ADAMTS14: variants seen among roughly 807,000 people sequenced by gnomAD.
ADAMTS14 encodes ADAM metallopeptidase with thrombospondin type 1 motif 14.
ADAMTS14 carries 100 observed loss-of-function variants against 128.6 expected under a neutral mutation model. The ratio of observed to expected loss-of-function variants is 0.78; its 90% CI spans 0.66 to 0.92. ADAMTS14 has a LOEUF of 0.92. ADAMTS14 is among the 40% of genes least tolerant of loss of function. The probability of loss-of-function intolerance (pLI) is 0.00; values close to 1 mark genes in which losing one functional copy is unlikely to be tolerated. For missense variants in ADAMTS14, 1,562 were observed against 1,658.6 expected (o/e 0.94, Z 1.01); for synonymous variants, 665 against 653.8 (o/e 1.02, Z -0.26).
chr10:70,760,117 C>A (rs1042073748), intron 21 of ADAMTS14, among the ~76,000 whole-genome samples: 13 of 135,964 alleles, frequency 9.6e-5, no homozygotes, highest in African/African-American at 3.3e-4. Context: ...GCTGCTGCTG[C>A]GTGTGGGGAC....
chr10:70,689,233 G>T (rs540155873), intron 2 of ADAMTS14, among the ~76,000 whole-genome samples: 1 of 144,942 alleles, frequency 6.9e-6, no homozygotes, highest in South Asian at 2.2e-4. Flanking sequence ...CTCTCACAAG[G>T]GTGGTATACC....
chr10:70,720,184 T>G (rs1360431861), intron 4 of ADAMTS14, among the ~76,000 whole-genome samples: 1 of 152,012 alleles, frequency 6.6e-6, no homozygotes, highest in African/African-American at 2.4e-5. Context: ...CTTTAAGAGG[T>G]GTGCTGATTA....
At chr10:70,718,323 A>T (rs1305707685) in intron 4 of ADAMTS14, among the ~76,000 whole-genome samples, 1 of 152,012 alleles carries the variant, frequency 6.6e-6, no homozygotes, top group African/African-American at 2.4e-5. Flanking sequence ...AAGTAAAAAA[A>T]CTCATTCACT....
Position 70,702,359 on chromosome 10 carries a change from G to A in ADAMTS14, c.570G>A (p.Leu190=), listed in dbSNP as rs1840520419. 6.2e-7 allele frequency: 1 copy of A among 1,614,096 alleles called. No individual in the cohort carries two copies. Among genetic ancestry groups the A allele is most frequent in the South Asian group, 1.1e-5 (1 of 91,090 alleles). Residue 190 remains leucine, a synonymous_variant, in exon 3 of 22, where the codon CTG becomes CTA. Transcript: ENST00000373207. ...GCACCGACTTCTTCATTGAGCCTCT[G>A]GAGCGGGGCCAGCAGGAGAAGGAGG... ...TDSTDFFIEP[L]ERGQQEKEAS...
chr10:70,686,286 T>TG (rs1839948283), intron 2 of ADAMTS14, among the ~76,000 whole-genome samples: 1 of 149,870 alleles, frequency 6.7e-6, no homozygotes, highest in African/African-American at 2.5e-5. Context: ...TTTTTTTTTT[T>TG]TTTTTAATTT....
chr10:70,757,427 T>A (rs1361881697), intron 19 of ADAMTS14, among the ~76,000 whole-genome samples: 1 of 152,116 alleles, frequency 6.6e-6, no homozygotes, highest in Non-Finnish European at 1.5e-5. Context: ...GTCGCCCAGC[T>A]CTCTGTTTAC....
chr10:70,708,321 G>A (rs1298705802), intron 3 of ADAMTS14, among the ~76,000 whole-genome samples: 1 of 152,208 alleles, frequency 6.6e-6, no homozygotes, highest in African/African-American at 2.4e-5. Flanking sequence ...GATAGGATGA[G>A]TGGCTCCCGG....
At chr10:70,706,862 G>T (rs566550307) in intron 3 of ADAMTS14, among the ~76,000 whole-genome samples, 1 of 152,246 alleles carries the variant, frequency 6.6e-6, no homozygotes, top group East Asian at 1.9e-4. Flanking sequence ...GGGTAGCAGC[G>T]TAGAGGCGGC....
chr10:70,754,003 C>G lies in ADAMTS14; in HGVS notation c.2933C>G (p.Ser978Cys), dbSNP rs1241633818. ...GCCCAGTGGAGGCTGGGAGCCTGGT[C>G]CCAGGTGACTTGTCCTCAGGAGGTG... ...CPAQWRLGAW[S>C]QCSATCGEGI... is the part of the protein sequence containing the mutation. Residue 978 changes from serine (S) to cysteine (C), a missense_variant, in exon 19 of 22, where the codon TCC becomes TGC. Ser to Cys is a moderately radical substitution (Grantham distance 112). Coordinates refer to ENST00000373207, the MANE Select transcript of ADAMTS14 (RefSeq NM_080722.4). The G allele has an allele frequency of 1.3e-6, 2 of 1,559,246 alleles. No individual in the cohort carries two copies. Among genetic ancestry groups the G allele is most frequent in the South Asian group, 1.2e-5 (1 of 85,034 alleles).
chr10:70,737,203 C>A (rs186574245), intron 10 of ADAMTS14, among the ~76,000 whole-genome samples: 1 of 152,302 alleles, frequency 6.6e-6, no homozygotes, highest in Admixed American at 6.5e-5. Flanking sequence ...TCCCCCACCC[C>A]TATGCTGTCT....
At chr10:70,753,018 A>C (rs1842393324) in intron 18 of ADAMTS14, among the ~76,000 whole-genome samples, 1 of 152,246 alleles carries the variant, frequency 6.6e-6, no homozygotes, top group Non-Finnish European at 1.5e-5. Context: ...AAATGCCTGT[A>C]ATCACAGAAC....
At position 70,762,295 on chromosome 10, in the gene ADAMTS14, CT is replaced by C. The variant is rs140367175; in HGVS notation, c.*1443del. 0.012 allele frequency: 1,822 copies of C among 152,488 alleles called. 16 individuals are homozygous for C. The highest frequency in any genetic ancestry group is 0.017 in the Non-Finnish European group (1,184 of 68,136). The allele number at this position is 152,488 out of a possible 1,614,324, so 9.4% of individuals were successfully genotyped here. On this transcript the variant is annotated 3_prime_UTR_variant, in exon 22 of 22. Transcript: ENST00000373207. ...TCCTGGGGGGCTCCCCGCCCTCCCCCTGTTGCCCTCCCCTCCCTGGGATGCT... is the reference window on the plus strand; with the variant it reads ...TCCTGGGGGGCTCCCCGCCCTCCCCCGTTGCCCTCCCCTCCCTGGGATGCT...
Position 70,741,063 on chromosome 10 carries a change from A to T in ADAMTS14, c.1825A>T (p.Thr609Ser). 6.2e-7 allele frequency: 1 copy of T among 1,614,036 alleles called. No homozygotes were observed. The highest frequency in any genetic ancestry group is 8.5e-7 in the Non-Finnish European group (1 of 1,180,016). ...QVCNSEECPGTYEDFRAQQCA... is the reference protein window; with the variant it reads ...QVCNSEECPGSYEDFRAQQCA... ...CTGCAACAGCGAGGAGTGCCCTGGGACCTACGAGGACTTCCGGGCCCAGCA... is the reference window on the plus strand; with the variant it reads ...CTGCAACAGCGAGGAGTGCCCTGGGTCCTACGAGGACTTCCGGGCCCAGCA... The change falls in exon 12 of 22, where the codon ACC (threonine) becomes TCC (serine). Residue 609 changes from threonine (T) to serine (S), a missense_variant. Physicochemically the swap from Thr to Ser is moderately conservative, Grantham distance 58. Transcript: ENST00000373207.
chr10:70,696,819 G>A (rs1840345311), intron 2 of ADAMTS14, among the ~76,000 whole-genome samples: 1 of 152,210 alleles, frequency 6.6e-6, no homozygotes. Context: ...TAGCCAAGGA[G>A]CGTGGCTGGC....
intron 4 of ADAMTS14, 39 bp downstream of exon 4, chr10:70,708,817 GTGGGGTGGGCCCCACCCCACCCCAC>G: frequency 1.5e-6 from 2 of 1,349,880 alleles, no homozygotes; most frequent in Non-Finnish European, 2.0e-6. Context: ...GGGGAGTGGG[GTGGGGTGGGCCCCACCCCACCCCAC>G]TGGGCCCCAG....
intron 11 of ADAMTS14, 51 bp from the exon 12 acceptor site, chr10:70,740,935 TC>T (rs1292513458): frequency 5.0e-6 from 8 of 1,588,164 alleles, no homozygotes; most frequent in African/African-American, 1.3e-5. Flanking sequence ...AACCTGGCCC[TC>T]CCCAGCCTTC....
At chr10:70,724,740 G>C (rs577881044) in intron 4 of ADAMTS14, among the ~76,000 whole-genome samples, 8 of 152,352 alleles carry the variant, frequency 5.3e-5, no homozygotes, top group Non-Finnish European at 1.0e-4. Context: ...CAGGGCGCCA[G>C]AGGACTGCAA....
At chr10:70,751,979 G>A (rs914783487) in intron 17 of ADAMTS14, 116 bp from the exon 18 acceptor site, 2 of 1,438,752 alleles carry the variant, frequency 1.4e-6, no homozygotes, top group African/African-American at 2.8e-5. Context: ...GGGGGCATAG[G>A]CAGAGGGAGG....
chr10:70,735,244 C>T lies in ADAMTS14; in HGVS notation c.1428C>T (p.Tyr476=). 1.2e-6 allele frequency: 2 copies of T among 1,614,102 alleles called. No individual in the cohort carries two copies. The highest frequency in any genetic ancestry group is 1.7e-6 in the Non-Finnish European group (2 of 1,179,982). ...CCCCAGAGCTGCCTGGGATCAACTACTCAATGGATGAGCAGTGCCGCTTTG... is the reference window on the plus strand; with the variant it reads ...CCCCAGAGCTGCCTGGGATCAACTATTCAATGGATGAGCAGTGCCGCTTTG... ...PQPPELPGIN[Y]SMDEQCRFDF... The change falls in exon 9 of 22, where the codon TAC becomes TAT. Residue 476 remains tyrosine, a synonymous_variant. Transcript: ENST00000373207.
Sources: gnomAD v4.1 joint callset for allele counts (sites outside exome capture counted in the v4.1 genomes callset) on GRCh38, gnomAD v4.1.1 for gene constraint, MANE v1.5 for transcripts, NCBI Gene and HGNC (gene_info 2026-07-23, HGNC 2026-07-21) for gene names.